Variants in MTNAP1 observed in about 807,000 individuals in gnomAD.
The protein encoded by MTNAP1 is mitochondrial nucleoid-associated protein 1.
chr17:73,245,254 A>G, the MTNAP1 span: 5 of 1,599,830 alleles, frequency 3.1e-6, no homozygotes, highest in East Asian at 2.2e-5. Flanking sequence ...GACGACTGCA[A>G]TACATACTTA....
chr17:73,241,798 G>A, the MTNAP1 span, among the ~76,000 whole-genome samples: 230 of 152,250 alleles, frequency 1.5e-3, no homozygotes, highest in African/African-American at 5.1e-3. Flanking sequence ...GCGTGATGGC[G>A]TGTGCCTGTA....
the MTNAP1 span, among the ~76,000 whole-genome samples, chr17:73,234,496 T>G: frequency 2.0e-5 from 3 of 151,850 alleles, no homozygotes; most frequent in Non-Finnish European, 4.4e-5. Context: ...ATTGAGACCA[T>G]CCTGGCCAAC....
chr17:73,236,043 A>G, the MTNAP1 span: 1 of 1,614,174 alleles, frequency 6.2e-7, no homozygotes, highest in South Asian at 1.1e-5. Flanking sequence ...ATCAAGATAG[A>G]AAATATTCCT....
the MTNAP1 span, chr17:73,242,320 T>C: frequency 1.2e-6 from 2 of 1,603,806 alleles, no homozygotes. Flanking sequence ...CCAACTTCTC[T>C]CTAATGAGGC....
the MTNAP1 span, among the ~76,000 whole-genome samples, chr17:73,235,297 C>CGT: frequency 6.6e-6 from 1 of 152,156 alleles, no homozygotes; most frequent in African/African-American, 2.4e-5. Flanking sequence ...CCTTGAATAA[C>CGT]GTGTTTAAGG....
At chr17:73,247,921 T>C in the MTNAP1 span, 1 of 154,658 alleles carries the variant, frequency 6.5e-6, no homozygotes, top group African/African-American at 2.4e-5. Context: ...CCTTGTCTGC[T>C]CATTGCTGCC....
chr17:73,235,938 T>C, the MTNAP1 span: 1 of 1,614,202 alleles, frequency 6.2e-7, no homozygotes, highest in Non-Finnish European at 8.5e-7. Flanking sequence ...AAAGAGAACT[T>C]GCCAAAGATT....
the MTNAP1 span, among the ~76,000 whole-genome samples, chr17:73,234,773 CTGTGTG>C: frequency 1.4e-5 from 2 of 146,070 alleles, no homozygotes; most frequent in African/African-American, 5.1e-5. Flanking sequence ...TTATGTATAT[CTGTGTG>C]TGTGTGTGTG....
the MTNAP1 span, among the ~76,000 whole-genome samples, chr17:73,240,063 A>G: frequency 6.6e-6 from 1 of 152,348 alleles, no homozygotes; most frequent in Admixed American, 6.5e-5. Flanking sequence ...TTGATATGTT[A>G]TTGATACATT....
At chr17:73,237,902 G>A in the MTNAP1 span, among the ~76,000 whole-genome samples, 7 of 152,148 alleles carry the variant, frequency 4.6e-5, no homozygotes, top group Admixed American at 3.9e-4. Flanking sequence ...GACCAGAAAC[G>A]GAGGATGTGG....
the MTNAP1 span, chr17:73,243,109 T>C: frequency 5.2e-6 from 4 of 767,792 alleles, no homozygotes; most frequent in Non-Finnish European, 6.5e-6. Flanking sequence ...TTTACAGCTT[T>C]ACAGTATCTG....
the MTNAP1 span, chr17:73,245,644 C>T: frequency 8.1e-6 from 8 of 985,210 alleles, no homozygotes; most frequent in Non-Finnish European, 1.2e-6. Context: ...CAGGCCCTTC[C>T]CCTTAGTTTC....
chr17:73,241,425 T>C, the MTNAP1 span, among the ~76,000 whole-genome samples: 2 of 152,154 alleles, frequency 1.3e-5, no homozygotes. Flanking sequence ...CCCAAAGTGC[T>C]GGGATTACAG....
At chr17:73,248,635 A>G in the MTNAP1 span, 1 of 1,229,080 alleles carries the variant, frequency 8.1e-7, no homozygotes, top group Non-Finnish European at 1.2e-6. Flanking sequence ...CACCCAGGCT[A>G]CTGTCCATGC....
the MTNAP1 span, among the ~76,000 whole-genome samples, chr17:73,237,636 A>G: frequency 6.6e-6 from 1 of 152,188 alleles, no homozygotes; most frequent in Non-Finnish European, 1.5e-5. Flanking sequence ...AGAAAAATAT[A>G]AAGACTTGAA....
chr17:73,236,205 G>A, the MTNAP1 span: 71 of 1,613,980 alleles, frequency 4.4e-5, no homozygotes, highest in Non-Finnish European at 5.8e-5. Flanking sequence ...GGGTTAAAAG[G>A]GTAAGAACAT....
chr17:73,232,465 C>T, the MTNAP1 span: 1 of 714,302 alleles, frequency 1.4e-6, no homozygotes, highest in East Asian at 3.1e-5. Flanking sequence ...GGCAGAAGCG[C>T]TCGCCTGTTC....
chr17:73,245,184 TAAG>T, the MTNAP1 span: 1 of 1,573,264 alleles, frequency 6.4e-7, no homozygotes, highest in South Asian at 1.1e-5. Flanking sequence ...AGCGGTGGCG[TAAG>T]TAGTGTTGAC....
chr17:73,239,092 A>G, the MTNAP1 span, among the ~76,000 whole-genome samples: 1 of 151,736 alleles, frequency 6.6e-6, no homozygotes, highest in Non-Finnish European at 1.5e-5. Context: ...ATGCGCCACC[A>G]CGCCCGGCTA....
Sources: gnomAD v4.1 joint callset for allele counts (sites outside exome capture counted in the v4.1 genomes callset) on GRCh38, gnomAD v4.1.1 for gene constraint, MANE v1.5 for transcripts, NCBI Gene and HGNC (gene_info 2026-07-23, HGNC 2026-07-21) for gene names.